The following LRRIQ3 variants were observed in gnomAD, a reference collection of about 807,000 sequenced individuals.
The protein encoded by LRRIQ3 is leucine-rich repeat and IQ domain-containing protein 3.
A neutral mutation model predicts 59.3 loss-of-function variants in LRRIQ3; 75 were observed. The ratio of observed to expected loss-of-function variants is 1.26; its 90% CI spans 1.05 to 1.53. The LOEUF (loss-of-function observed/expected upper bound fraction) is 1.53. Ranked by LOEUF, LRRIQ3 falls within the 40% of genes most tolerant of loss-of-function variation. The probability of loss-of-function intolerance (pLI) is 0.00; values close to 1 mark genes in which losing one functional copy is unlikely to be tolerated. For synonymous variants in LRRIQ3, 250 were observed against 231.3 expected, an observed-to-expected ratio of 1.08 and a Z score of -0.73; for missense variants, 831 against 710.0, an observed-to-expected ratio of 1.17 and a Z score of -1.94.
intron 1 of LRRIQ3, among the ~76,000 whole-genome samples, chr1:74,184,833 C>A (rs1650252174): frequency 6.6e-6 from 1 of 152,020 alleles, no homozygotes; most frequent in South Asian, 2.1e-4. Context: ...ATAAATAAAC[C>A]TTTACAAATT....
At chr1:74,142,843 C>G (rs1267773908) in intron 4 of LRRIQ3, among the ~76,000 whole-genome samples, 1 of 151,848 alleles carries the variant, frequency 6.6e-6, no homozygotes, top group African/African-American at 2.4e-5. Flanking sequence ...GCAGGAAGAC[C>G]CACAGATTAT....
intron 7 of LRRIQ3, 91 bp downstream of exon 7, chr1:74,041,122 C>G: frequency 9.6e-7 from 1 of 1,037,956 alleles, no homozygotes. Context: ...ATGTTACAAA[C>G]AGCATACTAA....
chr1:74,102,285 A>T, intron 5 of LRRIQ3, among the ~76,000 whole-genome samples: 1 of 152,042 alleles, frequency 6.6e-6, no homozygotes, highest in East Asian at 1.9e-4. Context: ...GAATGTTTTC[A>T]TTAAGAACTA....
chr1:74,181,949 T>C (rs1020056153), intron 3 of LRRIQ3: 2 of 151,816 alleles, frequency 1.3e-5, no homozygotes, highest in African/African-American at 4.8e-5. Context: ...CTATATCTTG[T>C]ACCTAATTTA....
chr1:74,119,798 G>C (rs1258947427), intron 4 of LRRIQ3, among the ~76,000 whole-genome samples: 1 of 151,848 alleles, frequency 6.6e-6, no homozygotes, highest in Non-Finnish European at 1.5e-5. Context: ...CTCTATCCCT[G>C]TGCCAATAAA....
intron 6 of LRRIQ3, among the ~76,000 whole-genome samples, chr1:74,047,256 G>A (rs919137782): frequency 1.3e-5 from 2 of 152,096 alleles, no homozygotes; most frequent in Non-Finnish European, 2.9e-5. Context: ...AGAATACTAT[G>A]CAGCCATAAA....
chr1:74,142,218 C>T lies in LRRIQ3; in HGVS notation c.707+13515G>A, dbSNP rs1258881251. Among the ~76,000 whole-genome samples the T allele has an allele frequency of 2.0e-5, 3 of 151,756 alleles. No homozygotes were observed. The East Asian group carries it at 5.8e-4, about 29-fold the overall frequency. ...TACTATTTTAAGTTACTTTAGGAAC[C>T]TCCATATTTTTCCCACAGTAGCTGT... On this transcript the variant is annotated intron_variant, in intron 4 of 7. Transcript: ENST00000354431.
At chr1:74,098,095 A>G (rs1357065538) in intron 5 of LRRIQ3, among the ~76,000 whole-genome samples, 1 of 152,200 alleles carries the variant, frequency 6.6e-6, no homozygotes, top group Non-Finnish European at 1.5e-5. Flanking sequence ...GCCCCAATTA[A>G]AAGACACAGA....
At chr1:74,123,609 C>T (rs750011849) in intron 4 of LRRIQ3, among the ~76,000 whole-genome samples, 1 of 152,002 alleles carries the variant, frequency 6.6e-6, no homozygotes, top group Admixed American at 6.6e-5. Context: ...CAATTCCAGC[C>T]ATGTTGTTGC....
intron 4 of LRRIQ3, among the ~76,000 whole-genome samples, chr1:74,141,888 G>A (rs1181085141): frequency 1.3e-5 from 2 of 151,590 alleles, no homozygotes; most frequent in African/African-American, 4.8e-5. Context: ...TTTAATCCTG[G>A]AGAGATTAAA....
At chr1:74,040,610 T>A (rs1031969567) in intron 7 of LRRIQ3, among the ~76,000 whole-genome samples, 1 of 152,170 alleles carries the variant, frequency 6.6e-6, no homozygotes, top group Non-Finnish European at 1.5e-5. Context: ...CACAGTGCAA[T>A]CAAAGTAGAG....
At chr1:74,088,306 T>G (rs1247325058) in intron 5 of LRRIQ3, among the ~76,000 whole-genome samples, 3 of 152,130 alleles carry the variant, frequency 2.0e-5, no homozygotes, top group African/African-American at 4.8e-5. Flanking sequence ...TTTCTGAAAT[T>G]TATTATAATG....
chr1:74,066,502 A>G (rs1654871026), intron 6 of LRRIQ3, among the ~76,000 whole-genome samples: 1 of 145,190 alleles, frequency 6.9e-6, no homozygotes, highest in South Asian at 2.2e-4. Context: ...CTATGGGTAT[A>G]TGAGGTCTAA....
intron 3 of LRRIQ3, among the ~76,000 whole-genome samples, chr1:74,177,807 T>C (rs1482759542): frequency 6.6e-6 from 1 of 152,016 alleles, no homozygotes; most frequent in African/African-American, 2.4e-5. Context: ...TGTACTTAGC[T>C]AGAGGAATAT....
intron 5 of LRRIQ3, among the ~76,000 whole-genome samples, chr1:74,089,959 C>A (rs935033445): frequency 6.6e-6 from 1 of 151,896 alleles, no homozygotes; most frequent in Non-Finnish European, 1.5e-5. Context: ...TAGCAAGAGA[C>A]CTGAGAAAAT....
At chr1:74,134,322 G>T (rs1366354276) in intron 4 of LRRIQ3, among the ~76,000 whole-genome samples, 1 of 151,998 alleles carries the variant, frequency 6.6e-6, no homozygotes, top group East Asian at 1.9e-4. Context: ...TTAGCCTGGT[G>T]CTGCTCCTGC....
chr1:74,139,105 T>TATATAC (rs1553169942), intron 4 of LRRIQ3, among the ~76,000 whole-genome samples: 1 of 134,850 alleles, frequency 7.4e-6, no homozygotes, highest in Non-Finnish European at 1.6e-5. Flanking sequence ...TATATATATA[T>TATATAC]ACATATATGT....
At chr1:74,062,307 T>C (rs959050747) in intron 6 of LRRIQ3, among the ~76,000 whole-genome samples, 5 of 151,780 alleles carry the variant, frequency 3.3e-5, no homozygotes, top group Admixed American at 1.3e-4. Flanking sequence ...GAAACAATGC[T>C]CAATATCACT....
At chr1:74,098,410 T>C (rs904911993) in intron 5 of LRRIQ3, among the ~76,000 whole-genome samples, 46 of 151,928 alleles carry the variant, frequency 3.0e-4, no homozygotes, top group Middle Eastern at 3.2e-3. Flanking sequence ...AAAGCAAGTC[T>C]TTAGAGACCT....
Sources: gnomAD v4.1 joint callset for allele counts (sites outside exome capture counted in the v4.1 genomes callset) on GRCh38, gnomAD v4.1.1 for gene constraint, MANE v1.5 for transcripts, NCBI Gene and HGNC (gene_info 2026-07-23, HGNC 2026-07-21) for gene names.